GPR149: variants seen among roughly 807,000 people sequenced by gnomAD.
GPR149 encodes probable G protein-coupled receptor 149.
A neutral mutation model predicts 50.2 loss-of-function variants in GPR149; 50 were observed. The observed-to-expected ratio is 1.00, with a 90% CI of 0.79 to 1.26. The LOEUF (loss-of-function observed/expected upper bound fraction) is 1.26, where lower values mean the gene tolerates loss of function less well. GPR149 is among the 50% of genes most tolerant of loss of function. The probability of loss-of-function intolerance (pLI) is 0.00; values close to 1 mark genes in which losing one functional copy is unlikely to be tolerated. For synonymous variants in GPR149, 405 were observed against 358.2 expected (o/e 1.13, Z -1.48); for missense variants, 983 against 895.4 (o/e 1.10, Z -1.25).
chr3:154,392,172 C>T (rs1715186688), intron 3 of GPR149, among the ~76,000 whole-genome samples: 1 of 151,686 alleles, frequency 6.6e-6, no homozygotes, highest in Non-Finnish European at 1.5e-5. Flanking sequence ...CAGATCTATA[C>T]AAAACATTTC....
intron 3 of GPR149, among the ~76,000 whole-genome samples, chr3:154,364,314 G>A (rs1391768670): frequency 6.6e-6 from 1 of 152,148 alleles, no homozygotes; most frequent in Non-Finnish European, 1.5e-5. Flanking sequence ...TTAAACCATA[G>A]CATTCCACTC....
chr3:154,395,451 T>TAC (rs1491278982), intron 3 of GPR149, among the ~76,000 whole-genome samples: 1 of 20,946 alleles, frequency 4.8e-5, no homozygotes, highest in African/African-American at 1.2e-4. Flanking sequence ...TATATATAAG[T>TAC]ATATATATAT....
At chr3:154,355,232 T>C (rs1340449947) in intron 3 of GPR149, among the ~76,000 whole-genome samples, 1 of 152,212 alleles carries the variant, frequency 6.6e-6, no homozygotes, top group Non-Finnish European at 1.5e-5. Context: ...TTCACCATGC[T>C]GATCAGGCTG....
intron 2 of GPR149, among the ~76,000 whole-genome samples, chr3:154,425,912 C>A (rs1712280003): frequency 6.6e-6 from 1 of 152,060 alleles, no homozygotes; most frequent in South Asian, 2.1e-4. Flanking sequence ...GTGGTCCCCA[C>A]TTCTTAAAAA....
chr3:154,420,147 A>T (rs1712095896), intron 3 of GPR149, among the ~76,000 whole-genome samples: 1 of 151,972 alleles, frequency 6.6e-6, no homozygotes, highest in Non-Finnish European at 1.5e-5. Flanking sequence ...TACTCCTAGC[A>T]GTGTATTTAT....
intron 3 of GPR149, among the ~76,000 whole-genome samples, chr3:154,363,786 A>G (rs1450429366): frequency 6.6e-6 from 1 of 152,188 alleles, no homozygotes; most frequent in Non-Finnish European, 1.5e-5. Flanking sequence ...AAGACCAGCC[A>G]TGGACAAATC....
At chr3:154,426,916 G>C (rs1480987114) in intron 2 of GPR149, among the ~76,000 whole-genome samples, 1 of 150,010 alleles carries the variant, frequency 6.7e-6, no homozygotes, top group East Asian at 2.0e-4. Context: ...GTGTGTGTGA[G>C]ACAGAGAGAG....
chr3:154,349,508 C>T (rs1714016898), intron 3 of GPR149, among the ~76,000 whole-genome samples: 1 of 152,046 alleles, frequency 6.6e-6, no homozygotes, highest in South Asian at 2.1e-4. Context: ...ATAGATTGAT[C>T]CCTTGTAAAA....
intron 3 of GPR149, among the ~76,000 whole-genome samples, chr3:154,347,719 A>G (rs1372540481): frequency 1.3e-5 from 2 of 152,266 alleles, no homozygotes; most frequent in Non-Finnish European, 2.9e-5. Flanking sequence ...ACTGTGATCT[A>G]AATTCAGCTC....
At chr3:154,388,326 A>C (rs542731614) in intron 3 of GPR149, among the ~76,000 whole-genome samples, 6 of 152,034 alleles carry the variant, frequency 3.9e-5, no homozygotes, top group South Asian at 2.1e-4. Context: ...ACACACACAC[A>C]CCCTTATGGA....
intron 3 of GPR149, among the ~76,000 whole-genome samples, chr3:154,363,514 G>A (rs1486973282): frequency 2.6e-5 from 4 of 152,164 alleles, no homozygotes; most frequent in Admixed American, 2.6e-4. Context: ...AGGGAAGAGG[G>A]TGCTCTCTTC....
At chr3:154,355,263 T>G (rs1714191193) in intron 3 of GPR149, among the ~76,000 whole-genome samples, 1 of 152,212 alleles carries the variant, frequency 6.6e-6, no homozygotes, top group African/African-American at 2.4e-5. Context: ...CCTGACCTCG[T>G]GATCCACCCA....
intron 3 of GPR149, among the ~76,000 whole-genome samples, chr3:154,398,439 T>A (rs567240146): frequency 2.0e-5 from 3 of 152,316 alleles, no homozygotes; most frequent in African/African-American, 4.8e-5. Context: ...CTATCTCTGA[T>A]ATTTTTCTTG....
chr3:154,428,344 T>C (rs1054228739), intron 1 of GPR149, among the ~76,000 whole-genome samples: 3 of 152,130 alleles, frequency 2.0e-5, no homozygotes, highest in African/African-American at 7.2e-5. Flanking sequence ...TGTGAGACAA[T>C]ATCCTTGGCC....
chr3:154,372,608 G>T (rs887157244), intron 3 of GPR149, among the ~76,000 whole-genome samples: 6 of 152,132 alleles, frequency 3.9e-5, no homozygotes, highest in Non-Finnish European at 7.3e-5. Context: ...TTTTGAAGGG[G>T]ACACCATTAT....
intron 3 of GPR149, among the ~76,000 whole-genome samples, chr3:154,373,834 A>G (rs1360666219): frequency 1.3e-5 from 2 of 152,200 alleles, no homozygotes; most frequent in Non-Finnish European, 1.5e-5. Context: ...CTAACCTACC[A>G]TGAATAGAGT....
intron 3 of GPR149, among the ~76,000 whole-genome samples, chr3:154,341,370 T>C (rs1161009790): frequency 1.4e-5 from 2 of 138,010 alleles, no homozygotes; most frequent in Non-Finnish European, 3.1e-5. Flanking sequence ...ATTATTGTAA[T>C]TTACAGATGA....
At chr3:154,428,035 C>G (rs192485164) in intron 1 of GPR149, among the ~76,000 whole-genome samples, 229 of 152,318 alleles carry the variant, frequency 1.5e-3, no homozygotes, top group African/African-American at 5.3e-3. Context: ...TCTGATTCTC[C>G]GAATGGCCTT....
chr3:154,406,588 T>G (rs1365956092), intron 3 of GPR149, among the ~76,000 whole-genome samples: 6 of 152,190 alleles, frequency 3.9e-5, no homozygotes, highest in Admixed American at 3.3e-4. Flanking sequence ...GTCTATGAAC[T>G]AATATGTAGA....
Sources: allele counts gnomAD v4.1 joint callset (sites outside exome capture counted in the v4.1 genomes callset), GRCh38; gene constraint gnomAD v4.1.1; transcripts MANE v1.5; gene names NCBI Gene and HGNC (gene_info 2026-07-23, HGNC 2026-07-21).